SLC17A5: variants seen among roughly 807,000 people sequenced by gnomAD.
SLC17A5 encodes the protein solute carrier family 17 member 5.
In SLC17A5, 47 loss-of-function variants were observed where a neutral mutation model predicts 59.4. The observed-to-expected ratio is 0.79, with a 90% CI of 0.63 to 1.01. The LOEUF is 1.01. Ranked by LOEUF, SLC17A5 falls within the 50% of genes least tolerant of loss-of-function variation. The pLI is 0.00. For missense variants in SLC17A5, 522 were observed against 595.5 expected (o/e 0.88, Z 1.28); for synonymous variants, 202 against 210.7 (o/e 0.96, Z 0.36).
intron 1 of SLC17A5, among the ~76,000 whole-genome samples, chr6:73,650,050 G>A (rs1311176817): frequency 2.0e-5 from 3 of 152,040 alleles, no homozygotes; most frequent in Non-Finnish European, 2.9e-5. Context: ...CAAGGGAATC[G>A]AGAGTATTGG....
intron 6 of SLC17A5, among the ~76,000 whole-genome samples, chr6:73,633,084 T>C (rs7747069): frequency 0.16 from 24,858 of 152,104 alleles, 3,138 homozygotes; most frequent in African/African-American, 0.35. Context: ...CTGCTGGACT[T>C]AAGCAGTCCC....
At chr6:73,632,610 T>G (rs975181339) in intron 6 of SLC17A5, among the ~76,000 whole-genome samples, 2 of 151,344 alleles carry the variant, frequency 1.3e-5, no homozygotes, top group Non-Finnish European at 2.9e-5. Context: ...GCTTGGCTAA[T>G]TTTTAAATTT....
chr6:73,645,827 T>C (rs1581991367), intron 1 of SLC17A5, among the ~76,000 whole-genome samples: 1 of 147,188 alleles, frequency 6.8e-6, no homozygotes, highest in African/African-American at 2.5e-5. Context: ...GCAGAGTAGG[T>C]TGGAGGAACC....
chr6:73,609,540 A>G, intron 9 of SLC17A5, among the ~76,000 whole-genome samples: 1 of 149,402 alleles, frequency 6.7e-6, no homozygotes, highest in Non-Finnish European at 1.5e-5. Flanking sequence ...ATAGTTAGAC[A>G]AATCAATTGG....
rs142730320 is a variant in SLC17A5 at position 73,616,795 on chromosome 6, C to T, written c.979-1348G>A. Among the ~76,000 whole-genome samples, 826 of 151,996 alleles carry T rather than the reference C, an allele frequency of 5.4e-3. 6 individuals are homozygous for T. The highest frequency in any genetic ancestry group is 8.4e-3 in the Non-Finnish European group (572 of 67,974). On this transcript the variant is annotated intron_variant, in intron 7 of 10. Coordinates refer to ENST00000355773, the MANE Select transcript of SLC17A5 (RefSeq NM_012434.5). ...GGCTAATTTGTATTTTTAGTAGAGA[C>T]GGAGTTTCGCCATGTTGGCCAGGCT...
At chr6:73,610,377 C>T (rs375667001) in intron 9 of SLC17A5, 23 bp downstream of exon 9, 111 of 1,612,880 alleles carry the variant, frequency 6.9e-5, no homozygotes, top group Non-Finnish European at 9.1e-5. Flanking sequence ...TCAATCACAG[C>T]AAATCTTTAT....
At chr6:73,621,714 C>G in intron 7 of SLC17A5, 90 bp downstream of exon 7, 1 of 1,056,252 alleles carries the variant, frequency 9.5e-7, no homozygotes. Context: ...ATGGAAGATA[C>G]AGAATAACTG....
chr6:73,628,748 G>A (rs545115617), intron 6 of SLC17A5, among the ~76,000 whole-genome samples: 16 of 152,200 alleles, frequency 1.1e-4, no homozygotes, highest in African/African-American at 2.9e-4. Context: ...ATGTATCATC[G>A]AATTTCTAAT....
chr6:73,641,575 CCT>C (rs1412531943), intron 3 of SLC17A5, 114 bp downstream of exon 3: 32 of 774,974 alleles, frequency 4.1e-5, no homozygotes, highest in Non-Finnish European at 6.0e-5. Context: ...AAAATAAACC[CCT>C]GTTATCATCC....
In SLC17A5 at chr6:73,639,021, T is replaced by C. The variant is rs190670515; in HGVS notation, c.526-522A>G. Among the ~76,000 whole-genome samples, 475 of 152,262 alleles carry C rather than the reference T, an allele frequency of 3.1e-3. 2 individuals carry two copies. Among genetic ancestry groups the C allele is most frequent in the Middle Eastern group, 0.01 (3 of 294 alleles). ...TTTAAAAAATACTGAGCTAATATTTTGGGATACTGAAAAAAAATTCAAGCT... is the reference window on the plus strand; with the variant it reads ...TTTAAAAAATACTGAGCTAATATTTCGGGATACTGAAAAAAAATTCAAGCT... On this transcript the variant is annotated intron_variant, in intron 3 of 10. Transcript: ENST00000355773.
chr6:73,643,545 C>T (rs1769395898), intron 2 of SLC17A5, among the ~76,000 whole-genome samples: 2 of 152,036 alleles, frequency 1.3e-5, no homozygotes, highest in Admixed American at 6.6e-5. Context: ...GGCGTGATCT[C>T]GGCTCACTGC....
chr6:73,649,941 A>G (rs1394400719), intron 1 of SLC17A5, among the ~76,000 whole-genome samples: 2 of 152,184 alleles, frequency 1.3e-5, no homozygotes, highest in African/African-American at 4.8e-5. Context: ...AATCTGCCCT[A>G]GTGTGTAACT....
intron 1 of SLC17A5, among the ~76,000 whole-genome samples, chr6:73,644,976 G>A (rs1178936379): frequency 6.6e-6 from 1 of 152,120 alleles, no homozygotes; most frequent in Non-Finnish European, 1.5e-5. Context: ...CTATAAAAAA[G>A]TTCATTAAAA....
intron 6 of SLC17A5, among the ~76,000 whole-genome samples, chr6:73,624,535 A>C (rs977796365): frequency 1.3e-5 from 2 of 152,222 alleles, no homozygotes; most frequent in Non-Finnish European, 2.9e-5. Context: ...ATTTCTGTAT[A>C]TATTTTATGA....
chr6:73,631,279 GA>G (rs1335862302), intron 6 of SLC17A5, among the ~76,000 whole-genome samples: 1 of 146,320 alleles, frequency 6.8e-6, no homozygotes, highest in Non-Finnish European at 1.5e-5. Flanking sequence ...AGAAGAAAAA[GA>G]AAAAAAACCA....
intron 6 of SLC17A5, among the ~76,000 whole-genome samples, chr6:73,627,764 G>A (rs1768500119): frequency 6.6e-6 from 1 of 151,762 alleles, no homozygotes; most frequent in Admixed American, 6.6e-5. Flanking sequence ...GAGAAGCTGG[G>A]ATTATAGGCA....
chr6:73,627,991 G>T (rs1467377472), intron 6 of SLC17A5, among the ~76,000 whole-genome samples: 2 of 151,280 alleles, frequency 1.3e-5, no homozygotes, highest in African/African-American at 4.9e-5. Context: ...CGCGATCACG[G>T]CTACTGCAAC....
intron 3 of SLC17A5, among the ~76,000 whole-genome samples, chr6:73,640,694 T>A (rs943958727): frequency 6.6e-6 from 1 of 151,912 alleles, no homozygotes; most frequent in Non-Finnish European, 1.5e-5. Flanking sequence ...GAGGTAGAAG[T>A]TCGAAGTTAT....
intron 1 of SLC17A5, chr6:73,653,026 G>A (rs1025945316): frequency 1.0e-6 from 1 of 984,472 alleles, no homozygotes; most frequent in Non-Finnish European, 1.2e-6. Flanking sequence ...CCTGCTTTTC[G>A]ATTTGTTCCA....
Sources: gnomAD v4.1 joint callset for allele counts (sites outside exome capture counted in the v4.1 genomes callset) on GRCh38, gnomAD v4.1.1 for gene constraint, MANE v1.5 for transcripts, NCBI Gene and HGNC (gene_info 2026-07-23, HGNC 2026-07-21) for gene names.